SLC4A4: variants seen among roughly 807,000 people sequenced by gnomAD.
SLC4A4 encodes the protein solute carrier family 4 member 4, also known as electrogenic sodium bicarbonate cotransporter 1.
In SLC4A4, 27 loss-of-function variants were observed where a neutral mutation model predicts 111.5. The observed-to-expected ratio is 0.24, with a 90% CI of 0.18 to 0.33. The LOEUF (loss-of-function observed/expected upper bound fraction) is 0.33, where lower values mean the gene tolerates loss of function less well. Ranked by LOEUF, SLC4A4 falls within the 10% of genes least tolerant of loss-of-function variation. SLC4A4 has a pLI of 1.00. For synonymous variants in SLC4A4, 443 were observed against 463.4 expected (o/e 0.96, Z 0.57); for missense variants, 909 against 1,315.5 (o/e 0.69, Z 4.78).
At chr4:71,536,355 T>A (rs1443385575) in intron 18 of SLC4A4, among the ~76,000 whole-genome samples, 1 of 150,122 alleles carries the variant, frequency 6.7e-6, no homozygotes, top group Non-Finnish European at 1.5e-5. Context: ...CCAGCCATTT[T>A]TGGAAAATAA....
At chr4:71,437,329 C>G (rs1724253772) in intron 7 of SLC4A4, 3 of 358,890 alleles carry the variant, frequency 8.4e-6, no homozygotes, top group African/African-American at 6.4e-5. Context: ...GGGAAATACA[C>G]TCAATTTCCA....
At chr4:71,103,303 C>G (rs1369430137) in intron 2 of SLC4A4, among the ~76,000 whole-genome samples, 2 of 152,158 alleles carry the variant, frequency 1.3e-5, no homozygotes, top group African/African-American at 4.8e-5. Context: ...GAGACTTAGA[C>G]TCCCGCACAT....
chr4:71,552,123 A>G (rs977978126), intron 20 of SLC4A4, among the ~76,000 whole-genome samples: 1 of 151,854 alleles, frequency 6.6e-6, no homozygotes, highest in East Asian at 1.9e-4. Context: ...TGACATTAAT[A>G]CCTCATTTAT....
intron 7 of SLC4A4, among the ~76,000 whole-genome samples, chr4:71,425,143 T>C (rs1401242793): frequency 6.6e-6 from 1 of 152,116 alleles, no homozygotes; most frequent in East Asian, 1.9e-4. Flanking sequence ...TAAGATGGTA[T>C]TTGTCCAGGC....
At chr4:71,357,529 AAT>A (rs1730390832) in intron 6 of SLC4A4, among the ~76,000 whole-genome samples, 1 of 152,306 alleles carries the variant, frequency 6.6e-6, no homozygotes, top group East Asian at 1.9e-4. Context: ...TACCTCTGTG[AAT>A]ATGTTTTCCA....
chr4:71,433,180 C>T (rs996669426), intron 7 of SLC4A4, among the ~76,000 whole-genome samples: 5 of 151,808 alleles, frequency 3.3e-5, no homozygotes, highest in Non-Finnish European at 5.9e-5. Context: ...TCCCCCTCAC[C>T]ATTAGCTTAC....
chr4:71,272,693 A>G (rs547811269), intron 3 of SLC4A4, among the ~76,000 whole-genome samples: 1 of 152,306 alleles, frequency 6.6e-6, no homozygotes, highest in South Asian at 2.1e-4. Context: ...ACAGTTCCAC[A>G]TCATAACGCA....
chr4:71,385,199 T>TTTA (rs1718590127), intron 6 of SLC4A4, among the ~76,000 whole-genome samples: 1 of 94,500 alleles, frequency 1.1e-5, no homozygotes, highest in South Asian at 3.6e-4. Flanking sequence ...ATATTTTTTT[T>TTTA]TTTTTTTTTT....
At chr4:71,379,525 G>T (rs1411672395) in intron 6 of SLC4A4, among the ~76,000 whole-genome samples, 1 of 151,792 alleles carries the variant, frequency 6.6e-6, no homozygotes, top group Non-Finnish European at 1.5e-5. Context: ...CCATCGCACT[G>T]CACAAATAAC....
intron 22 of SLC4A4, among the ~76,000 whole-genome samples, chr4:71,558,439 A>C (rs1334665583): frequency 6.6e-6 from 1 of 151,956 alleles, no homozygotes; most frequent in African/African-American, 2.4e-5. Flanking sequence ...GGGACTCTCT[A>C]TCCTTGTCAT....
intron 2 of SLC4A4, among the ~76,000 whole-genome samples, chr4:71,146,106 C>G (rs1371003606): frequency 6.6e-6 from 1 of 152,190 alleles, no homozygotes; most frequent in Non-Finnish European, 1.5e-5. Context: ...TTTTCCTCTA[C>G]ACACCGCTTT....
rs1718372052 is a variant in SLC4A4 at position 71,215,440 on chromosome 4, G to A, written c.-1-21136G>A. Among the ~76,000 whole-genome samples the A allele has an allele frequency of 2.0e-5, 3 of 152,304 alleles. No individual in the cohort carries two copies. The South Asian group carries it at 6.2e-4, about 32-fold the overall frequency. ...CTATTCATTTGATTCTTGAGGAGAA[G>A]GTGATGCTCTTCCACTGATCCTCCA... On this transcript the variant is annotated intron_variant, in intron 1 of 25. Coordinates refer to ENST00000264485, the MANE Select transcript of SLC4A4 (RefSeq NM_001098484.3).
At chr4:71,259,719 G>A (rs1038862105) in intron 3 of SLC4A4, among the ~76,000 whole-genome samples, 19 of 152,182 alleles carry the variant, frequency 1.2e-4, no homozygotes, top group African/African-American at 4.6e-4. Context: ...GGCTGAGATA[G>A]GCTTTGGAAA....
chr4:71,111,369 T>A (rs1395405633), intron 2 of SLC4A4, among the ~76,000 whole-genome samples: 1 of 152,062 alleles, frequency 6.6e-6, no homozygotes, highest in African/African-American at 2.4e-5. Context: ...AATCTCTATT[T>A]ATTTATTTAG....
intron 1 of SLC4A4, among the ~76,000 whole-genome samples, chr4:71,194,433 C>T (rs370226721): frequency 8.5e-4 from 130 of 152,172 alleles, no homozygotes; most frequent in Non-Finnish European, 1.3e-3. Context: ...TTTCTTAAAC[C>T]GTTACTCTGA....
At chr4:71,140,997 A>AT (rs1265001628) in intron 2 of SLC4A4, among the ~76,000 whole-genome samples, 5 of 152,208 alleles carry the variant, frequency 3.3e-5, no homozygotes, top group Non-Finnish European at 7.3e-5. Context: ...AATACTTAGC[A>AT]TTTTTTGTGG....
At chr4:71,086,519 C>T (rs1304521915) in intron 1 of SLC4A4, among the ~76,000 whole-genome samples, 1 of 151,964 alleles carries the variant, frequency 6.6e-6, no homozygotes, top group Non-Finnish European at 1.5e-5. Flanking sequence ...TTTGCCCATT[C>T]AGTGTGATAT....
At chr4:71,112,691 C>G (rs1393473774) in intron 2 of SLC4A4, among the ~76,000 whole-genome samples, 3 of 152,270 alleles carry the variant, frequency 2.0e-5, no homozygotes, top group Non-Finnish European at 2.9e-5. Flanking sequence ...TCAAATACCC[C>G]GCTCCAATAC....
At chr4:71,230,555 G>T (rs1465210702) in intron 1 of SLC4A4, among the ~76,000 whole-genome samples, 1 of 152,188 alleles carries the variant, frequency 6.6e-6, no homozygotes, top group East Asian at 1.9e-4. Context: ...AAAGTGGGAT[G>T]AGTTGAAATA....
Sources: allele counts gnomAD v4.1 joint callset (sites outside exome capture counted in the v4.1 genomes callset), GRCh38; gene constraint gnomAD v4.1.1; transcripts MANE v1.5; gene names NCBI Gene and HGNC (gene_info 2026-07-23, HGNC 2026-07-21).